The following MALRD1 variants were observed in gnomAD, a reference collection of about 807,000 sequenced individuals.
The protein encoded by MALRD1 is MAM and LDL-receptor class A domain-containing protein 1.
A neutral mutation model predicts 242.1 loss-of-function variants in MALRD1; 247 were observed. That is an observed-to-expected ratio of 1.02 (90% CI 0.92 to 1.13). The LOEUF (loss-of-function observed/expected upper bound fraction) is 1.13, where lower values mean the gene tolerates loss of function less well. Among genes scored for constraint, MALRD1 ranks in the 50% most tolerant of loss-of-function variants. MALRD1 has a pLI of 0.00. For missense variants in MALRD1, 2,989 were observed against 2,533.1 expected (o/e 1.18, Z -3.86); for synonymous variants, 995 against 866.6 (o/e 1.15, Z -2.60).
At chr10:19,564,505 A>G (rs1359158881) in intron 32 of MALRD1, among the ~76,000 whole-genome samples, 2 of 152,042 alleles carry the variant, frequency 1.3e-5, no homozygotes, top group African/African-American at 2.4e-5. Context: ...ATATTTTATG[A>G]CAAAAGTTAT....
intron 5 of MALRD1, among the ~76,000 whole-genome samples, chr10:19,109,999 C>A (rs1222274167): frequency 2.6e-5 from 4 of 152,202 alleles, no homozygotes; most frequent in Non-Finnish European, 5.9e-5. Flanking sequence ...GAACCTCTCC[C>A]AACTGGGGAG....
chr10:19,587,686 C>T (rs1474789415), intron 33 of MALRD1, among the ~76,000 whole-genome samples: 1 of 152,172 alleles, frequency 6.6e-6, no homozygotes, highest in African/African-American at 2.4e-5. Context: ...AAAGAAACAC[C>T]TACAATATCA....
intron 31 of MALRD1, among the ~76,000 whole-genome samples, chr10:19,523,048 G>A (rs1833949947): frequency 1.3e-5 from 2 of 152,040 alleles, no homozygotes; most frequent in South Asian, 2.1e-4. Flanking sequence ...GCACTAATTT[G>A]CAACTATGTT....
chr10:19,349,035 C>A (rs1348642906), intron 25 of MALRD1, among the ~76,000 whole-genome samples: 1 of 152,144 alleles, frequency 6.6e-6, no homozygotes, highest in East Asian at 1.9e-4. Flanking sequence ...GATTTCAGCT[C>A]ACTGTAACAT....
rs552522167 is a variant in MALRD1, at chr10:19,231,756, A to G, written c.2991+22076A>G. Among the ~76,000 whole-genome samples the G allele has an allele frequency of 5.3e-5, 8 of 152,242 alleles. No individual in the cohort carries two copies. In the East Asian group the frequency reaches 1.5e-3, roughly 29 times the overall value. On this transcript the variant is annotated intron_variant, in intron 18 of 39. Coordinates refer to ENST00000454679, the MANE Select transcript of MALRD1 (RefSeq NM_001142308.3). ...CTTTATAAATTACCCAGTCTTGGGT[A>G]TGACTTTATTAGCAGCATGAGAACA...
intron 32 of MALRD1, among the ~76,000 whole-genome samples, chr10:19,558,234 C>G (rs1482385850): frequency 6.6e-6 from 1 of 151,854 alleles, no homozygotes. Flanking sequence ...TTTTTTCCCC[C>G]CTTTTTTCTA....
intron 32 of MALRD1, among the ~76,000 whole-genome samples, chr10:19,548,811 T>C (rs543013667): frequency 6.6e-6 from 1 of 152,294 alleles, no homozygotes; most frequent in East Asian, 1.9e-4. Flanking sequence ...TCTTTAAGTG[T>C]TCAAGCGAAA....
At chr10:19,238,670 G>T (rs1424061658) in intron 18 of MALRD1, among the ~76,000 whole-genome samples, 1 of 131,176 alleles carries the variant, frequency 7.6e-6, no homozygotes, top group South Asian at 2.3e-4. Context: ...GTAAACATAA[G>T]AGTGCAGATA....
At chr10:19,360,460 G>T (rs566147982) in intron 26 of MALRD1, among the ~76,000 whole-genome samples, 1 of 151,978 alleles carries the variant, frequency 6.6e-6, no homozygotes, top group South Asian at 2.1e-4. Context: ...TTGTCCTAAG[G>T]ACTAAAATTT....
At chr10:19,652,893 C>T (rs1840961047) in intron 36 of MALRD1, among the ~76,000 whole-genome samples, 1 of 152,182 alleles carries the variant, frequency 6.6e-6, no homozygotes. Context: ...GCTCCTGCCA[C>T]CATGCAACGT....
chr10:19,120,046 A>C (rs536127061), intron 5 of MALRD1, among the ~76,000 whole-genome samples: 1 of 152,264 alleles, frequency 6.6e-6, no homozygotes, highest in East Asian at 1.9e-4. Flanking sequence ...GTCCACAAAA[A>C]TTTTGGGCCT....
At chr10:19,095,504 C>T (rs1835993828) in intron 4 of MALRD1, among the ~76,000 whole-genome samples, 1 of 152,116 alleles carries the variant, frequency 6.6e-6, no homozygotes, top group South Asian at 2.1e-4. Flanking sequence ...CCATCAGGCA[C>T]TTAAGTCTTT....
At chr10:19,484,239 G>A (rs1035828562) in intron 29 of MALRD1, among the ~76,000 whole-genome samples, 1 of 152,124 alleles carries the variant, frequency 6.6e-6, no homozygotes, top group Admixed American at 6.5e-5. Flanking sequence ...ATATCCATGA[G>A]ACAAACCTGT....
intron 28 of MALRD1, among the ~76,000 whole-genome samples, chr10:19,442,426 G>C (rs1834718276): frequency 6.6e-6 from 1 of 152,112 alleles, no homozygotes; most frequent in South Asian, 2.1e-4. Flanking sequence ...TCCAGTGTTT[G>C]CTCATTCAGT....
chr10:19,099,282 TG>T (rs1312038383), intron 4 of MALRD1, among the ~76,000 whole-genome samples: 1 of 152,180 alleles, frequency 6.6e-6, no homozygotes, highest in Non-Finnish European at 1.5e-5. Flanking sequence ...AGGGAAGCCT[TG>T]CCAAGGACTC....
At chr10:19,339,833 G>A (rs575694176) in intron 24 of MALRD1, among the ~76,000 whole-genome samples, 2 of 152,168 alleles carry the variant, frequency 1.3e-5, no homozygotes, top group Middle Eastern at 3.4e-3. Context: ...TTTGAGACTG[G>A]GTAATTTAAA....
chr10:19,605,536 C>G (rs1311405387), intron 34 of MALRD1, among the ~76,000 whole-genome samples: 1 of 150,376 alleles, frequency 6.6e-6, no homozygotes, highest in Non-Finnish European at 1.5e-5. Flanking sequence ...ATCCAACCTC[C>G]CTAGTCAAAA....
intron 4 of MALRD1, among the ~76,000 whole-genome samples, chr10:19,102,979 A>G (rs1449971169): frequency 1.3e-5 from 2 of 151,530 alleles, no homozygotes; most frequent in Non-Finnish European, 2.9e-5. Context: ...TCCTGAGTAT[A>G]TGGGATTATA....
intron 1 of MALRD1, among the ~76,000 whole-genome samples, chr10:19,053,225 T>G (rs1834561781): frequency 6.6e-6 from 1 of 152,212 alleles, no homozygotes; most frequent in Admixed American, 6.5e-5. Flanking sequence ...ATGAAGACAC[T>G]TGTAAGCACA....
Sources: allele counts gnomAD v4.1 joint callset (sites outside exome capture counted in the v4.1 genomes callset), GRCh38; gene constraint gnomAD v4.1.1; transcripts MANE v1.5; gene names NCBI Gene and HGNC (gene_info 2026-07-23, HGNC 2026-07-21).